Variants in LRRC17 observed in about 807,000 individuals in gnomAD.
LRRC17 encodes the protein leucine rich repeat containing 17.
In LRRC17, 33 loss-of-function variants were observed where a neutral mutation model predicts 41.5. That is an observed-to-expected ratio of 0.80 (90% CI 0.60 to 1.06). The LOEUF is 1.06. Among genes scored for constraint, LRRC17 ranks in the 50% least tolerant of loss-of-function variants. LRRC17 has a pLI of 0.00. For synonymous variants in LRRC17, 192 were observed against 197.0 expected, an observed-to-expected ratio of 0.97 and a Z score of 0.21; for missense variants, 491 against 519.3, an observed-to-expected ratio of 0.95 and a Z score of 0.53.
intron 1 of LRRC17, among the ~76,000 whole-genome samples, chr7:102,914,942 C>A (rs1815535044): frequency 6.6e-6 from 1 of 152,100 alleles, no homozygotes; most frequent in African/African-American, 2.4e-5. Context: ...TCATTTCTAG[C>A]AATCCTTTAG....
Position 102,944,623 on chromosome 7 carries a change from G to A in LRRC17, c.*16G>A, listed in dbSNP as rs779647066. On this transcript the variant is annotated 3_prime_UTR_variant, in exon 4 of 4. Transcript: ENST00000339431. ...AGTAGGATAAGGTAGAAATTGTTCT[G>A]ATTGTAATTAGTTTTGTATTTTCTA... 3.2e-6 allele frequency: 5 copies of A among 1,564,954 alleles called. No homozygotes were observed. The highest frequency in any genetic ancestry group is 4.3e-6 in the Non-Finnish European group (5 of 1,161,128).
chr7:102,941,562 T>C (rs953714494), intron 3 of LRRC17, among the ~76,000 whole-genome samples: 3 of 152,140 alleles, frequency 2.0e-5, no homozygotes, highest in Non-Finnish European at 2.9e-5. Flanking sequence ...CCTGTCTTGA[T>C]AAATAGACTC....
At chr7:102,929,678 A>T (rs1818813089) in intron 1 of LRRC17, among the ~76,000 whole-genome samples, 1 of 151,390 alleles carries the variant, frequency 6.6e-6, no homozygotes, top group Non-Finnish European at 1.5e-5. Flanking sequence ...AAAAAAAAAA[A>T]AAAAAATTAA....
intron 1 of LRRC17, among the ~76,000 whole-genome samples, chr7:102,925,016 C>T (rs920989711): frequency 6.6e-6 from 1 of 152,166 alleles, no homozygotes; most frequent in African/African-American, 2.4e-5. Flanking sequence ...CATTCTTTCA[C>T]AATAGTTTGA....
chr7:102,938,518 G>A (rs1343298987), intron 2 of LRRC17, among the ~76,000 whole-genome samples: 1 of 152,146 alleles, frequency 6.6e-6, no homozygotes, highest in East Asian at 1.9e-4. Flanking sequence ...GCTGGAGAAG[G>A]AGCAAGCTTG....
chr7:102,941,422 C>T (rs886193097), intron 3 of LRRC17, among the ~76,000 whole-genome samples: 3 of 152,208 alleles, frequency 2.0e-5, no homozygotes, highest in Non-Finnish European at 4.4e-5. Flanking sequence ...TTCCCAAGCC[C>T]CTACCTAGCA....
intron 1 of LRRC17, among the ~76,000 whole-genome samples, chr7:102,918,152 T>C (rs1036577712): frequency 1.1e-4 from 17 of 152,210 alleles, no homozygotes; most frequent in African/African-American, 3.9e-4. Context: ...CATTTTTGCA[T>C]ACCCAAGCAT....
In LRRC17 at chr7:102,934,179, C is replaced by G; in HGVS notation, c.266C>G (p.Ala89Gly). 1 of 1,614,232 alleles carries G rather than the reference C, an allele frequency of 6.2e-7. No homozygotes were observed. The change falls in exon 2 of 4, where the codon GCA becomes GGA. Residue 89 changes from alanine (A) to glycine (G), a missense_variant. Physicochemically the swap from Ala to Gly is moderately conservative, Grantham distance 60. Coordinates refer to ENST00000339431, the MANE Select transcript of LRRC17 (RefSeq NM_001031692.3). ...WPQDLLHMLL[A>G]RNKIRTLKNN... ...CAGGATTTGCTGCACATGCTGCTAGCAAGAAACAAGATCCGCACATTGAAG... is the reference window on the plus strand; with the variant it reads ...CAGGATTTGCTGCACATGCTGCTAGGAAGAAACAAGATCCGCACATTGAAG...
Position 102,923,468 on chromosome 7 carries a change from G to A in LRRC17, c.-140-10306G>A, listed in dbSNP as rs1278261240. Among the ~76,000 whole-genome samples, 4 of 152,302 alleles carry A rather than the reference G, an allele frequency of 2.6e-5. No individual in the cohort carries two copies. The East Asian group carries it at 5.8e-4, about 22-fold the overall frequency. ...GGACATAAATAACTACAAGAACACA[G>A]ATAAAGTAACATGCAGAAAAATGTT... On this transcript the variant is annotated intron_variant, in intron 1 of 3. Transcript: ENST00000339431.
At position 102,934,019 on chromosome 7, in the gene LRRC17, G is replaced by A; in HGVS notation, c.106G>A (p.Gly36Ser). Residue 36 changes from glycine (G) to serine (S), a missense_variant, in exon 2 of 4, where the codon GGT becomes AGT. Physicochemically the swap from Gly to Ser is moderately conservative, Grantham distance 56. Coordinates refer to ENST00000339431, the MANE Select transcript of LRRC17 (RefSeq NM_001031692.3). ...VRSRVNHGRA[G>S]GGRRGSNPVK... Reference sequence around the variant, plus strand: ...AAGCCGAGTGAATCATGGCCGGGCGGGTGGAGGCCGGAGAGGCTCCAACCC... The same window carrying A: ...AAGCCGAGTGAATCATGGCCGGGCGAGTGGAGGCCGGAGAGGCTCCAACCC... 6.2e-7 allele frequency: 1 copy of A among 1,614,092 alleles called. No homozygotes were observed. Among genetic ancestry groups the A allele is most frequent in the South Asian group, 1.1e-5 (1 of 91,074 alleles).
rs756412148 is a variant in LRRC17 at position 102,913,160 on chromosome 7, T to C, written c.-141+15T>C. The C allele has an allele frequency of 5.0e-6, 8 of 1,614,154 alleles. No individual in the cohort carries two copies. Among genetic ancestry groups the C allele is most frequent in the East Asian group, 2.2e-5 (1 of 44,890 alleles). On this transcript the variant is annotated intron_variant, in intron 1 of 3. Transcript: ENST00000339431. Reference sequence around the variant, plus strand: ...CCCAAGTTCAGGTACTGTAAGCCTTTGTCTGTGAACCGTCTGCAATAAGCC... The same window carrying C: ...CCCAAGTTCAGGTACTGTAAGCCTTCGTCTGTGAACCGTCTGCAATAAGCC...
At chr7:102,937,063 C>T (rs891878573) in intron 2 of LRRC17, among the ~76,000 whole-genome samples, 8 of 152,148 alleles carry the variant, frequency 5.3e-5, no homozygotes, top group Admixed American at 3.9e-4. Context: ...TTTAAAAATA[C>T]ACATTATTTA....
At position 102,944,568 on chromosome 7, in the gene LRRC17, C is replaced by T. The variant is rs752776711; in HGVS notation, c.1287C>T (p.Thr429=). The change falls in exon 4 of 4, where the codon ACC becomes ACT. Residue 429 remains threonine, a synonymous_variant. Transcript: ENST00000339431. ...GGGAAAAAAAACATAGAGATCACAC[C>T]GCAAAGAAGCAAAGCGTAATAATTA... is the stretch of plus-strand genomic sequence containing the variant. ...DEWEKKHRDH[T]AKKQSVIITI... is the part of the protein sequence containing the mutation. 1.8e-5 allele frequency: 29 copies of T among 1,610,684 alleles called. No homozygotes were observed. Among genetic ancestry groups the T allele is most frequent in the African/African-American group, 6.7e-5 (5 of 74,622 alleles).
chr7:102,937,344 A>C (rs1266373105), intron 2 of LRRC17, among the ~76,000 whole-genome samples: 1 of 23,302 alleles, frequency 4.3e-5, no homozygotes, highest in East Asian at 8.3e-4. Flanking sequence ...TACTAAAAAT[A>C]CAAAAAAAAA....
chr7:102,917,405 T>C (rs1171406028), intron 1 of LRRC17, among the ~76,000 whole-genome samples: 2 of 152,210 alleles, frequency 1.3e-5, no homozygotes, highest in Non-Finnish European at 1.5e-5. Flanking sequence ...CAGCACTGTA[T>C]GCCCAGAACA....
intron 2 of LRRC17, among the ~76,000 whole-genome samples, chr7:102,939,172 G>C (rs192827395): frequency 6.6e-5 from 10 of 152,304 alleles, no homozygotes; most frequent in Admixed American, 2.6e-4. Context: ...ATGACCTACA[G>C]GTCTTAATGG....
At position 102,944,103 on chromosome 7, in the gene LRRC17, A is replaced by G. The variant is rs572051307; in HGVS notation, c.929-107A>G. 1.0e-5 allele frequency: 9 copies of G among 867,798 alleles called. No homozygotes were observed. In the South Asian group the frequency reaches 2.1e-4, roughly 20 times the overall value. 53.8% of individuals were successfully genotyped at this position (867,798 alleles called of 1,614,324 possible). A position where few individuals can be genotyped will look rare whatever the true frequency, so the allele number is the denominator to read the frequency against. The stretch of plus-strand genomic sequence containing the variant: ...AAGGAAAAGAAATCTCTTTATTTTC[A>G]AAGGGGAAAATTAAGCCTCTTTTTA... On this transcript the variant is annotated intron_variant, in intron 3 of 3. Transcript: ENST00000339431.
At chr7:102,931,593 A>G (rs1210035678) in intron 1 of LRRC17, among the ~76,000 whole-genome samples, 6 of 152,090 alleles carry the variant, frequency 3.9e-5, no homozygotes, top group Admixed American at 3.3e-4. Context: ...CTGGGGCCCA[A>G]TTTTTTTCTG....
chr7:102,922,980 CA>C (rs563556141), intron 1 of LRRC17, among the ~76,000 whole-genome samples: 3 of 150,064 alleles, frequency 2.0e-5, no homozygotes, highest in African/African-American at 7.4e-5. Context: ...TCCGTCTCAA[CA>C]AAAAAAAGAA....
Sources: gnomAD v4.1 joint callset for allele counts (sites outside exome capture counted in the v4.1 genomes callset) on GRCh38, gnomAD v4.1.1 for gene constraint, MANE v1.5 for transcripts, NCBI Gene and HGNC (gene_info 2026-07-23, HGNC 2026-07-21) for gene names.